Variants in ADGRB3 observed in about 807,000 individuals in gnomAD.
ADGRB3 encodes the protein brain-specific angiogenesis inhibitor 3.
Under a neutral mutation model 193.4 loss-of-function variants are expected in ADGRB3, and 37 were observed. The ratio of observed to expected loss-of-function variants is 0.19; its 90% CI spans 0.15 to 0.25. The LOEUF (loss-of-function observed/expected upper bound fraction) is 0.25, where lower values mean the gene tolerates loss of function less well. Among genes scored for constraint, ADGRB3 ranks in the 10% least tolerant of loss-of-function variants. ADGRB3 has a pLI of 1.00. For synonymous variants in ADGRB3, 690 were observed against 644.2 expected (o/e 1.07, Z -1.08); for missense variants, 1,637 against 1,852.9 (o/e 0.88, Z 2.14).
intron 17 of ADGRB3, among the ~76,000 whole-genome samples, chr6:69,212,119 G>A (rs1765680376): frequency 6.6e-6 from 1 of 152,090 alleles, no homozygotes; most frequent in Non-Finnish European, 1.5e-5. Flanking sequence ...TGAATTTGTA[G>A]GAAATCAAAT....
At chr6:68,647,630 T>C (rs1768247984) in intron 3 of ADGRB3, among the ~76,000 whole-genome samples, 1 of 152,198 alleles carries the variant, frequency 6.6e-6, no homozygotes, top group South Asian at 2.1e-4. Context: ...TGACTAATAA[T>C]ACACGACTTA....
intron 3 of ADGRB3, among the ~76,000 whole-genome samples, chr6:68,809,784 T>C (rs1214395481): frequency 6.6e-6 from 1 of 152,212 alleles, no homozygotes; most frequent in Non-Finnish European, 1.5e-5. Flanking sequence ...TTTTAATTTG[T>C]GGTAAAAACA....
chr6:68,915,169 C>T lies in ADGRB3; in HGVS notation c.758-15390C>T, dbSNP rs188756325. On this transcript the variant is annotated intron_variant, in intron 3 of 31. Coordinates refer to ENST00000370598, the MANE Select transcript of ADGRB3 (RefSeq NM_001704.3). ...GAGCATGACTTGGCCATCAATTTGA[C>T]GCAATTTTTTTTGAGTCCCAGATCC... 5.3e-5 allele frequency among the ~76,000 whole-genome samples: 8 copies of T among 152,208 alleles called. No individual in the cohort carries two copies. In the East Asian group the frequency reaches 7.7e-4, roughly 15 times the overall value.
intron 17 of ADGRB3, among the ~76,000 whole-genome samples, chr6:69,203,655 C>T (rs953183513): frequency 2.0e-5 from 3 of 152,134 alleles, no homozygotes; most frequent in African/African-American, 7.2e-5. Context: ...ACAATACTTT[C>T]TGCTTCCTGC....
At chr6:68,958,276 A>T (rs1467404710) in intron 8 of ADGRB3, among the ~76,000 whole-genome samples, 1 of 152,190 alleles carries the variant, frequency 6.6e-6, no homozygotes, top group African/African-American at 2.4e-5. Flanking sequence ...AGTAACCAGC[A>T]TGCAGGGTTG....
At chr6:68,775,636 G>C (rs940019489) in intron 3 of ADGRB3, among the ~76,000 whole-genome samples, 2 of 152,060 alleles carry the variant, frequency 1.3e-5, no homozygotes, top group Non-Finnish European at 2.9e-5. Context: ...TGATTCAAAA[G>C]TTTCTTCTCT....
chr6:68,798,399 A>AG (rs761027408), intron 3 of ADGRB3, among the ~76,000 whole-genome samples: 16 of 152,158 alleles, frequency 1.1e-4, no homozygotes, highest in Non-Finnish European at 2.1e-4. Flanking sequence ...ATGGAATACT[A>AG]AATACAGAAT....
Position 69,330,372 on chromosome 6 carries a change from A to AT in ADGRB3, c.3036-128dup, listed in dbSNP as rs570349464. On this transcript the variant is annotated intron_variant, in intron 22 of 31. Transcript: ENST00000370598. ...TAGTTTTTTTCTACATCTTCTATGT[A>AT]TTTTTTATTACAAATGTTTAACATG... The AT allele has an allele frequency of 3.4e-4, 171 of 503,718 alleles. No individual in the cohort carries two copies. The South Asian group carries it at 4.6e-3, about 14-fold the overall frequency. 31.2% of individuals were successfully genotyped at this position (503,718 alleles called of 1,614,324 possible). A position where few individuals can be genotyped will look rare whatever the true frequency, so the allele number is the denominator to read the frequency against.
At chr6:68,695,704 G>A (rs550077273) in intron 3 of ADGRB3, among the ~76,000 whole-genome samples, 1 of 151,982 alleles carries the variant, frequency 6.6e-6, no homozygotes, top group African/African-American at 2.4e-5. Flanking sequence ...GAGACTTGCA[G>A]TCTATTCTTG....
intron 17 of ADGRB3, among the ~76,000 whole-genome samples, chr6:69,100,916 AG>A (rs1773028999): frequency 6.1e-4 from 2 of 3,266 alleles, no homozygotes; most frequent in African/African-American, 1.4e-3. Context: ...GAGGGAGGGA[AG>A]GAAGGAAGGA....
intron 20 of ADGRB3, among the ~76,000 whole-genome samples, chr6:69,297,368 T>TCTCTCTCTC (rs1767846054): frequency 1.4e-4 from 14 of 97,646 alleles, no homozygotes; most frequent in East Asian, 4.5e-4. Flanking sequence ...CTCTCTCTCT[T>TCTCTCTCTC]TCTCTCTCTC....
At chr6:68,799,541 T>A (rs1055198171) in intron 3 of ADGRB3, among the ~76,000 whole-genome samples, 1 of 152,198 alleles carries the variant, frequency 6.6e-6, no homozygotes, top group Non-Finnish European at 1.5e-5. Context: ...ATATTCCAAT[T>A]TTTTTAAGTA....
chr6:69,137,078 A>T lies in ADGRB3; in HGVS notation c.2480+61040A>T, dbSNP rs12190775. On this transcript the variant is annotated intron_variant, in intron 17 of 31. Coordinates refer to ENST00000370598, the MANE Select transcript of ADGRB3 (RefSeq NM_001704.3). The stretch of plus-strand genomic sequence containing the variant: ...TTTCTTTTTTTTTTTTTTTTTTTTA[A>T]TGGTAAGATCTTTTTGAGCCTCAAA... Among the ~76,000 whole-genome samples, 547 of 120,488 alleles carry T rather than the reference A, an allele frequency of 4.5e-3. 1 individual carries two copies. Among genetic ancestry groups the T allele is most frequent in the South Asian group, 6.4e-3 (24 of 3,776 alleles). 79.0% of individuals were successfully genotyped at this position (120,488 alleles called of 152,430 possible).
intron 17 of ADGRB3, among the ~76,000 whole-genome samples, chr6:69,094,396 C>A (rs1308665486): frequency 6.6e-6 from 1 of 152,180 alleles, no homozygotes; most frequent in East Asian, 1.9e-4. Flanking sequence ...ATCAGTTGCT[C>A]CTGTTTTATT....
chr6:69,141,147 G>A (rs1283677832), intron 17 of ADGRB3, among the ~76,000 whole-genome samples: 2 of 145,308 alleles, frequency 1.4e-5, no homozygotes, highest in Admixed American at 6.9e-5. Context: ...CGGTGGGGAC[G>A]GAGTCTTGCT....
chr6:69,201,203 T>C lies in ADGRB3; in HGVS notation c.2481-32087T>C, dbSNP rs142047060. Among the ~76,000 whole-genome samples, 10 of 152,164 alleles carry C rather than the reference T, an allele frequency of 6.6e-5. No individual in the cohort carries two copies. The East Asian group carries it at 1.9e-3, about 29-fold the overall frequency. ...TATCTTAAAATACTTCCCTTGTTAC[T>C]CTTGAGCTAACACCTCATTTTTTGA... On this transcript the variant is annotated intron_variant, in intron 17 of 31. Coordinates refer to ENST00000370598, the MANE Select transcript of ADGRB3 (RefSeq NM_001704.3).
At chr6:69,231,865 A>G (rs1056621276) in intron 17 of ADGRB3, among the ~76,000 whole-genome samples, 1 of 152,340 alleles carries the variant, frequency 6.6e-6, no homozygotes, top group South Asian at 2.1e-4. Flanking sequence ...ATGATATCAA[A>G]TCATGAATAT....
chr6:68,699,816 TG>T (rs1765212924), intron 3 of ADGRB3, among the ~76,000 whole-genome samples: 1 of 149,284 alleles, frequency 6.7e-6, no homozygotes, highest in African/African-American at 2.5e-5. Flanking sequence ...AAGCAGTAGG[TG>T]GGGGGCATGG....
intron 3 of ADGRB3, among the ~76,000 whole-genome samples, chr6:68,765,797 A>G (rs996860219): frequency 2.0e-5 from 3 of 152,100 alleles, no homozygotes; most frequent in African/African-American, 7.2e-5. Flanking sequence ...AATAGTGTGT[A>G]TAAGATGAAG....
Sources: gnomAD v4.1 joint callset for allele counts (sites outside exome capture counted in the v4.1 genomes callset) on GRCh38, gnomAD v4.1.1 for gene constraint, MANE v1.5 for transcripts, NCBI Gene and HGNC (gene_info 2026-07-23, HGNC 2026-07-21) for gene names.